The following CACNA2D1 variants were observed in gnomAD, a reference collection of about 807,000 sequenced individuals.
CACNA2D1 encodes the protein voltage-dependent calcium channel subunit alpha-2/delta-1.
A neutral mutation model predicts 171.5 loss-of-function variants in CACNA2D1; 53 were observed. The ratio of observed to expected loss-of-function variants is 0.31; its 90% CI spans 0.25 to 0.39. The LOEUF is 0.39. Among genes scored for constraint, CACNA2D1 ranks in the 10% least tolerant of loss-of-function variants. The pLI is 1.00. For synonymous variants in CACNA2D1, 442 were observed against 443.1 expected (o/e 1.00, Z 0.03); for missense variants, 903 against 1,299.8 (o/e 0.69, Z 4.69).
At chr7:82,335,401 G>A in intron 2 of CACNA2D1, 150 bp from the exon 3 acceptor site, 1 of 641,700 alleles carries the variant, frequency 1.6e-6, no homozygotes, top group Admixed American at 2.7e-5. Flanking sequence ...AGTGTGTCAG[G>A]AAAAAATATG....
At chr7:82,179,389 C>T (rs1796885762) in intron 3 of CACNA2D1, among the ~76,000 whole-genome samples, 1 of 152,094 alleles carries the variant, frequency 6.6e-6, no homozygotes, top group Non-Finnish European at 1.5e-5. Flanking sequence ...TGCTGATAAT[C>T]TAGTCTAAAA....
chr7:82,280,792 C>T (rs888360006), intron 3 of CACNA2D1, among the ~76,000 whole-genome samples: 1 of 152,114 alleles, frequency 6.6e-6, no homozygotes, highest in Non-Finnish European at 1.5e-5. Context: ...AGTGATCCTC[C>T]CACCTCAGCC....
intron 2 of CACNA2D1, among the ~76,000 whole-genome samples, chr7:82,337,963 T>A (rs1818194408): frequency 6.6e-6 from 1 of 152,134 alleles, no homozygotes; most frequent in African/African-American, 2.4e-5. Context: ...AAAGACCAAG[T>A]TTCTCTGTGA....
chr7:82,154,996 G>A (rs1028568859), intron 4 of CACNA2D1, among the ~76,000 whole-genome samples: 1 of 152,040 alleles, frequency 6.6e-6, no homozygotes, highest in Non-Finnish European at 1.5e-5. Flanking sequence ...CCTTGGTGCT[G>A]TACTCATGAG....
rs115914985 is a variant in CACNA2D1 at position 82,242,667 on chromosome 7, A to G, written c.295-72058T>C. The stretch of plus-strand genomic sequence containing the variant: ...CAAGAGATCTTATTCAGAAAATCGA[A>G]TAACACAGAAGAAATATTCATTATA... On this transcript the variant is annotated intron_variant, in intron 3 of 38. Coordinates refer to ENST00000356860, the MANE Select transcript of CACNA2D1 (RefSeq NM_000722.4). Among the ~76,000 whole-genome samples, 1,232 of 152,310 alleles carry G rather than the reference A, an allele frequency of 8.1e-3. 25 individuals carry two copies. Among genetic ancestry groups the G allele is most frequent in the African/African-American group, 0.028 (1,166 of 41,576 alleles).
intron 1 of CACNA2D1, among the ~76,000 whole-genome samples, chr7:82,392,148 A>C (rs1469348763): frequency 5.9e-5 from 9 of 152,278 alleles, no homozygotes; most frequent in Non-Finnish European, 2.9e-5. Flanking sequence ...CCCTTCACTT[A>C]GTTTACATAA....
intron 7 of CACNA2D1, among the ~76,000 whole-genome samples, chr7:82,076,899 C>T (rs944104659): frequency 1.3e-5 from 2 of 152,020 alleles, no homozygotes; most frequent in Admixed American, 1.3e-4. Context: ...GCCATTCTTC[C>T]CTCCAGAAAC....
At chr7:82,136,106 T>G (rs1309442639) in intron 5 of CACNA2D1, among the ~76,000 whole-genome samples, 1 of 152,222 alleles carries the variant, frequency 6.6e-6, no homozygotes, top group East Asian at 1.9e-4. Flanking sequence ...TTCAAGTCAT[T>G]TAAATGTGTA....
chr7:82,011,929 G>A (rs761203913), intron 15 of CACNA2D1: 1 of 477,806 alleles, frequency 2.1e-6, no homozygotes, highest in Admixed American at 3.6e-5. Context: ...CCAATGAAGG[G>A]ATCAAGTAGA....
intron 3 of CACNA2D1, among the ~76,000 whole-genome samples, chr7:82,302,543 T>G (rs1206477618): frequency 6.6e-6 from 1 of 151,922 alleles, no homozygotes; most frequent in Non-Finnish European, 1.5e-5. Context: ...GCCTCCCCAG[T>G]AGCTGGGAAA....
intron 1 of CACNA2D1, among the ~76,000 whole-genome samples, chr7:82,435,291 C>T (rs1655851817): frequency 6.6e-6 from 1 of 152,080 alleles, no homozygotes. Context: ...CCCACCTCGG[C>T]CTCCCAAAGT....
intron 4 of CACNA2D1, among the ~76,000 whole-genome samples, chr7:82,165,513 C>G (rs1795358169): frequency 6.6e-6 from 1 of 151,772 alleles, no homozygotes; most frequent in Non-Finnish European, 1.5e-5. Context: ...AGGTTATCAC[C>G]CAGCATAACT....
chr7:82,402,856 C>G (rs910956007), intron 1 of CACNA2D1, among the ~76,000 whole-genome samples: 1 of 151,136 alleles, frequency 6.6e-6, no homozygotes, highest in Non-Finnish European at 1.5e-5. Context: ...AAATTGTAGA[C>G]TGTAGTGTGG....
chr7:82,382,800 T>A (rs908405163), intron 1 of CACNA2D1, among the ~76,000 whole-genome samples: 2 of 152,222 alleles, frequency 1.3e-5, no homozygotes, highest in Non-Finnish European at 2.9e-5. Context: ...TGTTCAGATA[T>A]CTAGACAGGG....
intron 1 of CACNA2D1, among the ~76,000 whole-genome samples, chr7:82,389,430 C>T (rs1824835831): frequency 6.6e-6 from 1 of 152,024 alleles, no homozygotes; most frequent in Non-Finnish European, 1.5e-5. Flanking sequence ...TTACGTATTA[C>T]GCATGCTCTG....
At chr7:82,377,032 A>G (rs2237523) in intron 1 of CACNA2D1, among the ~76,000 whole-genome samples, 111,989 of 152,038 alleles carry the variant, frequency 0.74, 41,626 homozygotes, top group African/African-American at 0.85. Context: ...GATTATTGAT[A>G]GAAGCTTCTT....
intron 2 of CACNA2D1, 146 bp downstream of exon 2, chr7:82,349,422 C>CCAAT: frequency 1.3e-6 from 1 of 753,944 alleles, no homozygotes; most frequent in Non-Finnish European, 2.4e-6. Context: ...ACTAGCAGTA[C>CCAAT]CAATGGTTTC....
intron 6 of CACNA2D1, among the ~76,000 whole-genome samples, chr7:82,087,588 A>T (rs1378324792): frequency 6.6e-6 from 1 of 151,918 alleles, no homozygotes; most frequent in Non-Finnish European, 1.5e-5. Flanking sequence ...GGAAAAGAAA[A>T]TATATAAAGC....
In CACNA2D1 at chr7:82,020,439, T is replaced by A. The variant is rs536521008; in HGVS notation, c.1144-5960A>T. On this transcript the variant is annotated intron_variant, in intron 12 of 38. Transcript: ENST00000356860. ...AAAATGGGGGTGATGGTGATGATGA[T>A]ATTATTATTATATAATATGATTATT... Among the ~76,000 whole-genome samples the A allele has an allele frequency of 3.3e-5, 5 of 152,162 alleles. No individual in the cohort carries two copies. In the East Asian group the frequency reaches 9.6e-4, roughly 29 times the overall value.
Sources: gnomAD v4.1 joint callset for allele counts (sites outside exome capture counted in the v4.1 genomes callset) on GRCh38, gnomAD v4.1.1 for gene constraint, MANE v1.5 for transcripts, NCBI Gene and HGNC (gene_info 2026-07-23, HGNC 2026-07-21) for gene names.